TAFA1: variants seen among roughly 807,000 people sequenced by gnomAD.
The protein encoded by TAFA1 is TAFA chemokine like family member 1.
TAFA1 carries 4 observed loss-of-function variants against 18.5 expected under a neutral mutation model. That is an observed-to-expected ratio of 0.22 (90% confidence interval 0.11 to 0.49). The LOEUF is 0.49. Among genes scored for constraint, TAFA1 ranks in the 20% least tolerant of loss-of-function variants. The pLI, the probability that TAFA1 is intolerant of heterozygous loss-of-function variation, is 0.98. For missense variants in TAFA1, 147 were observed against 169.0 expected, an observed-to-expected ratio of 0.87 and a Z score of 0.72; for synonymous variants, 56 against 55.2, an observed-to-expected ratio of 1.01 and a Z score of -0.06.
At chr3:67,994,831 G>T in the TAFA1 span, among the ~76,000 whole-genome samples, 2 of 152,156 alleles carry the variant, frequency 1.3e-5, no homozygotes, top group African/African-American at 4.8e-5. Context: ...GGCCCAAACT[G>T]ACTTTTGTTC....
At chr3:68,462,516 C>G (rs940647596) in intron 3 of TAFA1, among the ~76,000 whole-genome samples, 1 of 152,160 alleles carries the variant, frequency 6.6e-6, no homozygotes, top group African/African-American at 2.4e-5. Context: ...AATTAAACCT[C>G]TTTCCTTTAC....
At chr3:68,370,134 A>G (rs1168346470) in intron 2 of TAFA1, among the ~76,000 whole-genome samples, 4 of 148,324 alleles carry the variant, frequency 2.7e-5, no homozygotes, top group Non-Finnish European at 4.5e-5. Context: ...TAAAAATACA[A>G]AAAATTAGCC....
intron 2 of TAFA1, among the ~76,000 whole-genome samples, chr3:68,395,018 C>A (rs899034575): frequency 2.0e-5 from 3 of 151,864 alleles, no homozygotes; most frequent in Non-Finnish European, 1.5e-5. Context: ...GGCAACCTAC[C>A]GAATGGGAGA....
chr3:68,054,814 A>G (rs1274728561), intron 2 of TAFA1, among the ~76,000 whole-genome samples: 2 of 152,220 alleles, frequency 1.3e-5, no homozygotes, highest in Non-Finnish European at 2.9e-5. Context: ...TATTTAACAG[A>G]CAGTTAACAA....
intron 2 of TAFA1, among the ~76,000 whole-genome samples, chr3:68,198,837 A>G (rs1289798096): frequency 1.3e-5 from 2 of 151,558 alleles, no homozygotes; most frequent in African/African-American, 2.4e-5. Flanking sequence ...TTCTCTTGAT[A>G]TTAAAAATAT....
At chr3:68,062,385 A>G (rs1280986435) in intron 2 of TAFA1, among the ~76,000 whole-genome samples, 1 of 152,206 alleles carries the variant, frequency 6.6e-6, no homozygotes, top group African/African-American at 2.4e-5. Context: ...GATGCCACAA[A>G]CATGGTCAAA....
chr3:68,366,085 CAAAAAA>C (rs35861602), intron 2 of TAFA1, among the ~76,000 whole-genome samples: 4 of 93,852 alleles, frequency 4.3e-5, no homozygotes, highest in Non-Finnish European at 8.2e-5. Flanking sequence ...GACTCCATCT[CAAAAAA>C]AAAAAAAAAA....
chr3:68,015,139 C>A (rs1436906973), intron 2 of TAFA1, among the ~76,000 whole-genome samples: 1 of 152,064 alleles, frequency 6.6e-6, no homozygotes, highest in African/African-American at 2.4e-5. Flanking sequence ...CTGAGTTATA[C>A]CCAGCAGACT....
intron 2 of TAFA1, among the ~76,000 whole-genome samples, chr3:68,221,341 T>C (rs1043504149): frequency 6.6e-6 from 1 of 152,176 alleles, no homozygotes; most frequent in African/African-American, 2.4e-5. Flanking sequence ...GGGGGATGGG[T>C]TTGCCCCTAT....
intron 2 of TAFA1, among the ~76,000 whole-genome samples, chr3:68,159,925 C>T (rs2106937543): frequency 6.6e-6 from 1 of 152,314 alleles, no homozygotes; most frequent in African/African-American, 2.4e-5. Flanking sequence ...GGGAAGAAGG[C>T]TGTACTTCTT....
intron 2 of TAFA1, among the ~76,000 whole-genome samples, chr3:68,232,613 GT>G (rs201563353): frequency 4.6e-4 from 70 of 150,908 alleles, no homozygotes; most frequent in Non-Finnish European, 6.9e-4. Context: ...TTTTTAGTGG[GT>G]TTTTTTTTCT....
intron 2 of TAFA1, among the ~76,000 whole-genome samples, chr3:68,342,800 G>A (rs1036129627): frequency 1.3e-5 from 2 of 152,168 alleles, no homozygotes; most frequent in African/African-American, 2.4e-5. Context: ...TAGCGAGTTA[G>A]GCGTCACAAA....
intron 2 of TAFA1, among the ~76,000 whole-genome samples, chr3:68,298,795 T>C (rs2068255776): frequency 6.6e-6 from 1 of 152,200 alleles, no homozygotes. Context: ...TCCCCAGCCA[T>C]GCTGAACTGT....
At chr3:68,215,103 T>C (rs921123523) in intron 2 of TAFA1, among the ~76,000 whole-genome samples, 1 of 152,068 alleles carries the variant, frequency 6.6e-6, no homozygotes, top group Non-Finnish European at 1.5e-5. Context: ...GGTTTCACTG[T>C]GAATTTATGC....
chr3:68,079,235 C>T (rs754333209), intron 2 of TAFA1, among the ~76,000 whole-genome samples: 15 of 152,130 alleles, frequency 9.9e-5, no homozygotes, highest in Non-Finnish European at 1.8e-4. Flanking sequence ...AGTAGTCTAT[C>T]AATTTAGTTG....
chr3:68,331,681 C>A (rs2068873842), intron 2 of TAFA1, among the ~76,000 whole-genome samples: 2 of 151,974 alleles, frequency 1.3e-5, no homozygotes, highest in Admixed American at 1.3e-4. Context: ...GCAAGAACAA[C>A]AGATATCACA....
At chr3:68,218,094 G>A (rs1282296007) in intron 2 of TAFA1, among the ~76,000 whole-genome samples, 2 of 151,994 alleles carry the variant, frequency 1.3e-5, no homozygotes, top group Non-Finnish European at 2.9e-5. Context: ...GATTTAATTG[G>A]CATCCCACAT....
intron 2 of TAFA1, among the ~76,000 whole-genome samples, chr3:68,044,307 G>C (rs1015338831): frequency 6.6e-6 from 1 of 152,122 alleles, no homozygotes; most frequent in South Asian, 2.1e-4. Context: ...AGGGACTTTT[G>C]TTCTTTTATG....
intron 2 of TAFA1, among the ~76,000 whole-genome samples, chr3:68,187,404 C>T (rs2107003130): frequency 6.6e-6 from 1 of 152,082 alleles, no homozygotes; most frequent in African/African-American, 2.4e-5. Context: ...AGGTATGATT[C>T]TGTTTAACTC....
Sources: allele counts gnomAD v4.1 joint callset (sites outside exome capture counted in the v4.1 genomes callset), GRCh38; gene constraint gnomAD v4.1.1; transcripts MANE v1.5; gene names NCBI Gene and HGNC (gene_info 2026-07-23, HGNC 2026-07-21).